DSG4: variants seen among roughly 807,000 people sequenced by gnomAD.
DSG4 encodes desmoglein 4, also known as desmoglein-4.
DSG4 carries 87 observed loss-of-function variants against 93.1 expected under a neutral mutation model. The ratio of observed to expected loss-of-function variants is 0.93; its 90% CI spans 0.79 to 1.12. The LOEUF (loss-of-function observed/expected upper bound fraction) is 1.12, where lower values mean the gene tolerates loss of function less well. Ranked by LOEUF, DSG4 falls within the 50% of genes most tolerant of loss-of-function variation. The pLI is 0.00. For synonymous variants in DSG4, 432 were observed against 452.9 expected (o/e 0.95, Z 0.59); for missense variants, 1,373 against 1,285.7 (o/e 1.07, Z -1.04).
rs181736906 is a variant in DSG4, at chr18:31,407,776, A to G, written c.1933+1403A>G. On this transcript the variant is annotated intron_variant, in intron 12 of 15. Transcript: ENST00000308128. ...TATTAGACACATTTTCCCAGAATAT[A>G]ACTCTACAGCAATTGAGTAGTGGTT... Among the ~76,000 whole-genome samples the G allele has an allele frequency of 1.9e-3, 288 of 152,338 alleles. 1 individual carries two copies. Among genetic ancestry groups the G allele is most frequent in the African/African-American group, 6.3e-3 (261 of 41,578 alleles).
Position 31,376,807 on chromosome 18 carries a change from A to G in DSG4, c.-105A>G. The stretch of plus-strand genomic sequence containing the variant: ...CAGTTATCACCCATGCCCTCCTAAA[A>G]GGGTGTCTCAAAGCATATCTTTCTG... On this transcript the variant is annotated 5_prime_UTR_variant, in exon 1 of 16. Coordinates refer to ENST00000308128, the MANE Select transcript of DSG4 (RefSeq NM_177986.5). The G allele has an allele frequency of 8.0e-7, 1 of 1,249,604 alleles. No individual in the cohort carries two copies. The highest frequency in any genetic ancestry group is 1.2e-5 in the South Asian group (1 of 81,772). The allele number at this position is 1,249,604 out of a possible 1,614,324, so 77.4% of individuals were successfully genotyped here.
intron 7 of DSG4, 126 bp downstream of exon 7, chr18:31,391,338 T>C: frequency 3.7e-6 from 5 of 1,333,908 alleles, no homozygotes; most frequent in South Asian, 3.7e-5. Flanking sequence ...CTCAACTTTG[T>C]TATAGAAACT....
chr18:31,379,203 G>A (rs1317401740), intron 1 of DSG4, among the ~76,000 whole-genome samples: 3 of 152,146 alleles, frequency 2.0e-5, no homozygotes, highest in East Asian at 1.9e-4. Context: ...CAGAAGTCCC[G>A]GGTTTGAATT....
In DSG4 at chr18:31,412,905, C is replaced by T. The variant is rs747666124; in HGVS notation, c.2433C>T (p.Val811=). Reference sequence around the variant, plus strand: ...TGCTCATTTATGACCACGAGGGAGTCGGGTCTCCCGTAGGCTCTATTGGTT... The same window carrying T: ...TGCTCATTTATGACCACGAGGGAGTTGGGTCTCCCGTAGGCTCTATTGGTT... The part of the protein sequence containing the change: ...DCLLIYDHEG[V]GSPVGSIGCC... Residue 811 remains valine (V), a synonymous_variant, in exon 16 of 16, where the codon GTC becomes GTT. Coordinates refer to ENST00000308128, the MANE Select transcript of DSG4 (RefSeq NM_177986.5). 2.0e-5 allele frequency: 32 copies of T among 1,614,012 alleles called. No individual in the cohort carries two copies. Among genetic ancestry groups the T allele is most frequent in the African/African-American group, 1.1e-4 (8 of 74,900 alleles).
intron 2 of DSG4, among the ~76,000 whole-genome samples, chr18:31,386,066 C>G (rs1303287870): frequency 6.6e-6 from 1 of 152,064 alleles, no homozygotes; most frequent in Non-Finnish European, 1.5e-5. Context: ...ATAGCAAGCA[C>G]AGATACAAAT....
intron 11 of DSG4, among the ~76,000 whole-genome samples, chr18:31,405,850 C>T (rs2072418181): frequency 6.6e-6 from 1 of 151,996 alleles, no homozygotes; most frequent in Admixed American, 6.5e-5. Flanking sequence ...TGCCACTGCA[C>T]TCCAGCCTGG....
intron 15 of DSG4, 129 bp downstream of exon 15, chr18:31,411,577 A>G: frequency 8.5e-7 from 1 of 1,171,150 alleles, no homozygotes; most frequent in Non-Finnish European, 1.2e-6. Flanking sequence ...AACCTGAATA[A>G]AAAGTATTTC....
chr18:31,411,540 T>A, intron 15 of DSG4, 92 bp downstream of exon 15: 1 of 1,422,042 alleles, frequency 7.0e-7, no homozygotes, highest in African/African-American at 1.4e-5. Flanking sequence ...TCTTCGGAAA[T>A]ATGCTGTTAT....
intron 1 of DSG4, among the ~76,000 whole-genome samples, chr18:31,380,899 A>G (rs984527): frequency 0.067 from 10,211 of 152,232 alleles, 354 homozygotes; most frequent in African/African-American, 0.087. Flanking sequence ...GAGTCTACAT[A>G]TCTTATATAA....
At position 31,390,795 on chromosome 18, in the gene DSG4, C is replaced by T. The variant is rs2072239537; in HGVS notation, c.657C>T (p.Cys219=). 1 of 1,613,676 alleles carries T rather than the reference C, an allele frequency of 6.2e-7. No homozygotes were observed. The highest frequency in any genetic ancestry group is 8.5e-7 in the Non-Finnish European group (1 of 1,179,738). Residue 219 remains cysteine, a synonymous_variant, in exon 6 of 16, where the codon TGC becomes TGT. Coordinates refer to ENST00000308128, the MANE Select transcript of DSG4 (RefSeq NM_177986.5). ...TGAATAGGTACACTGGAGAAGTCTG[C>T]ACCATGTCCAGTTTCTTGGACAGAG... ...FILNRYTGEV[C]TMSSFLDREQ... is the part of the protein sequence containing the mutation.
chr18:31,382,770 A>C (rs142201102), intron 1 of DSG4, among the ~76,000 whole-genome samples: 1 of 152,178 alleles, frequency 6.6e-6, no homozygotes, highest in South Asian at 2.1e-4. Flanking sequence ...TACCACAAAT[A>C]TACTATGGAA....
chr18:31,398,635 A>T (rs1263174943), intron 8 of DSG4, among the ~76,000 whole-genome samples: 1 of 152,104 alleles, frequency 6.6e-6, no homozygotes, highest in African/African-American at 2.4e-5. Flanking sequence ...GGATCAAAAG[A>T]TTCTATTTTT....
In DSG4 at chr18:31,401,068, T is replaced by C. The variant is rs202059651; in HGVS notation, c.1417+48T>C. ...TTTTAAGAAAACTAGTACTATTATA[T>C]TAAATATTATGTTATTCTAATGCTG... On this transcript the variant is annotated intron_variant, in intron 10 of 15. Coordinates refer to ENST00000308128, the MANE Select transcript of DSG4 (RefSeq NM_177986.5). The C allele has an allele frequency of 3.1e-5, 45 of 1,429,808 alleles. No individual in the cohort carries two copies. The East Asian group carries it at 1.0e-3, about 33-fold the overall frequency. 88.6% of individuals were successfully genotyped at this position (1,429,808 alleles called of 1,614,324 possible). A position where few individuals can be genotyped will look rare whatever the true frequency, so the allele number is the denominator to read the frequency against.
rs374223092 is a variant in DSG4 at position 31,403,392 on chromosome 18, C to T, written c.1418-24C>T. On this transcript the variant is annotated intron_variant, in intron 10 of 15. Transcript: ENST00000308128. ...TTCTCCCTAACACCATTTACCTCAA[C>T]ACCAATGACCCTTACTCTTTCAGAT... 13 of 1,588,612 alleles carry T rather than the reference C, an allele frequency of 8.2e-6. No individual in the cohort carries two copies. In the African/African-American group the frequency reaches 1.5e-4, roughly 18 times the overall value.
intron 8 of DSG4, among the ~76,000 whole-genome samples, chr18:31,396,301 C>T (rs538394563): frequency 7.0e-6 from 1 of 143,330 alleles, no homozygotes; most frequent in Admixed American, 7.0e-5. Flanking sequence ...AGAGGGTTCA[C>T]ATATATTATC....
Position 31,390,841 on chromosome 18 carries a change from G to A in DSG4, c.684+19G>A, listed in dbSNP as rs1450091759. On this transcript the variant is annotated intron_variant, in intron 6 of 15. Transcript: ENST00000308128. Reference sequence around the variant, plus strand: ...CAGAGAGGTAAAGCCTTCTGTGAATGAACAAGAACTAAAAAATTCAATTTT... The same window carrying A: ...CAGAGAGGTAAAGCCTTCTGTGAATAAACAAGAACTAAAAAATTCAATTTT... 2 of 1,610,394 alleles carry A rather than the reference G, an allele frequency of 1.2e-6. No individual in the cohort carries two copies.
At chr18:31,406,023 C>A (rs1213237695) in intron 11 of DSG4, 54 bp from the exon 12 acceptor site, 3 of 1,608,578 alleles carry the variant, frequency 1.9e-6, no homozygotes, top group African/African-American at 1.3e-5. Context: ...TAACCACCCC[C>A]CTAGCCCACC....
intron 8 of DSG4, among the ~76,000 whole-genome samples, chr18:31,396,093 T>C (rs560877158): frequency 5.4e-4 from 82 of 152,186 alleles, no homozygotes; most frequent in African/African-American, 1.8e-3. Flanking sequence ...TATTGATAAG[T>C]GTATATGAAA....
chr18:31,398,897 CTATT>C (rs2072333808), intron 8 of DSG4, among the ~76,000 whole-genome samples: 1 of 152,068 alleles, frequency 6.6e-6, no homozygotes, highest in African/African-American at 2.4e-5. Flanking sequence ...AATCTGGGTA[CTATT>C]TATTTATTCA....
Sources: gnomAD v4.1 joint callset for allele counts (sites outside exome capture counted in the v4.1 genomes callset) on GRCh38, gnomAD v4.1.1 for gene constraint, MANE v1.5 for transcripts, NCBI Gene and HGNC (gene_info 2026-07-23, HGNC 2026-07-21) for gene names.